The following GFPT2 variants were observed in gnomAD, a reference collection of about 807,000 sequenced individuals.
The protein encoded by GFPT2 is glutamine--fructose-6-phosphate aminotransferase [isomerizing] 2.
A neutral mutation model predicts 85.6 loss-of-function variants in GFPT2; 62 were observed. The observed-to-expected ratio is 0.72, with a 90% CI of 0.59 to 0.90. The LOEUF is 0.90. GFPT2 is among the 40% of genes least tolerant of loss of function. The pLI, the probability that GFPT2 is intolerant of heterozygous loss-of-function variation, is 0.00. For missense variants in GFPT2, 788 were observed against 893.4 expected (o/e 0.88, Z 1.50); for synonymous variants, 368 against 344.5 (o/e 1.07, Z -0.75).
intron 2 of GFPT2, among the ~76,000 whole-genome samples, 154 bp downstream of exon 2, chr5:180,338,339 C>T (rs1764442798): frequency 1.3e-5 from 2 of 152,130 alleles, no homozygotes; most frequent in South Asian, 2.1e-4. Flanking sequence ...TTTCGAATTT[C>T]TTTAACGGAC....
chr5:180,339,734 C>T (rs996990947), intron 1 of GFPT2, among the ~76,000 whole-genome samples: 25 of 152,242 alleles, frequency 1.6e-4, no homozygotes, highest in African/African-American at 4.1e-4. Context: ...CTCCAGCCCC[C>T]GCCCTGGGCA....
At position 180,336,650 on chromosome 5, in the gene GFPT2, G is replaced by C. The variant is rs911453631; in HGVS notation, c.116-73C>G. 4 of 981,336 alleles carry C rather than the reference G, an allele frequency of 4.1e-6. No individual in the cohort carries two copies. In the African/African-American group the frequency reaches 4.8e-5, roughly 12 times the overall value. 60.8% of individuals were successfully genotyped at this position (981,336 alleles called of 1,614,324 possible). ...ACACACTTGGCACAGGTGCTCCGCA[G>C]GGTCAGGGCTGCATGCCCCGGGCTG... is the stretch of plus-strand genomic sequence containing the variant. On this transcript the variant is annotated intron_variant, in intron 2 of 18. Coordinates refer to ENST00000253778, the MANE Select transcript of GFPT2 (RefSeq NM_005110.4).
intron 17 of GFPT2, among the ~76,000 whole-genome samples, chr5:180,303,614 T>C (rs897722542): frequency 2.0e-5 from 3 of 152,178 alleles, no homozygotes; most frequent in African/African-American, 7.2e-5. Flanking sequence ...ATACCCTCAC[T>C]CTGACCTCTG....
Position 180,336,582 on chromosome 5 carries a change from G to A in GFPT2, c.116-5C>T, listed in dbSNP as rs749733135. ...TATTCCCATCGATCGCCACACCTGT[G>A]ATGTAGACAGCATTTGTTATATTGC... is the stretch of plus-strand genomic sequence containing the variant. On this transcript the variant is annotated splice_polypyrimidine_tract_variant and splice_region_variant and intron_variant, in intron 2 of 18. Coordinates refer to ENST00000253778, the MANE Select transcript of GFPT2 (RefSeq NM_005110.4). The A allele has an allele frequency of 6.4e-7, 1 of 1,566,368 alleles. No homozygotes were observed. Among genetic ancestry groups the A allele is most frequent in the South Asian group, 1.1e-5 (1 of 90,102 alleles).
chr5:180,349,244 A>T (rs1469640980), intron 1 of GFPT2, among the ~76,000 whole-genome samples: 1 of 151,924 alleles, frequency 6.6e-6, no homozygotes, highest in Non-Finnish European at 1.5e-5. Context: ...GAGTTCAAGG[A>T]TGCAGTGAGC....
intron 10 of GFPT2, among the ~76,000 whole-genome samples, chr5:180,317,591 C>G (rs556778333): frequency 5.4e-5 from 8 of 146,988 alleles, no homozygotes; most frequent in East Asian, 3.9e-4. Flanking sequence ...AACCCCGTCT[C>G]TACTAAAAAT....
chr5:180,313,543 T>C (rs1008272645), intron 14 of GFPT2, among the ~76,000 whole-genome samples: 3 of 150,870 alleles, frequency 2.0e-5, no homozygotes, highest in African/African-American at 7.3e-5. Context: ...TGAGCCGAGA[T>C]CGCGCCCCTG....
intron 9 of GFPT2, among the ~76,000 whole-genome samples, chr5:180,321,706 C>T (rs1481500087): frequency 3.9e-5 from 6 of 152,226 alleles, no homozygotes; most frequent in Admixed American, 6.5e-5. Context: ...ACACTACACG[C>T]GACAGAATCA....
intron 1 of GFPT2, among the ~76,000 whole-genome samples, chr5:180,350,108 T>C (rs953219762): frequency 4.0e-5 from 6 of 151,832 alleles, no homozygotes; most frequent in African/African-American, 1.5e-4. Context: ...CTGCCCCAGG[T>C]CCCTCCCCTT....
chr5:180,343,183 G>A (rs911516431), intron 1 of GFPT2, among the ~76,000 whole-genome samples: 4 of 152,178 alleles, frequency 2.6e-5, no homozygotes, highest in Non-Finnish European at 1.5e-5. Flanking sequence ...AAAAGGTTTT[G>A]CATCTGAATG....
chr5:180,347,448 A>G (rs1764630497), intron 1 of GFPT2, among the ~76,000 whole-genome samples: 1 of 152,214 alleles, frequency 6.6e-6, no homozygotes, highest in Non-Finnish European at 1.5e-5. Context: ...ATTGATAGAT[A>G]AAATGAACCG....
In GFPT2 at chr5:180,330,679, C is replaced by G; in HGVS notation, c.534+21G>C. On this transcript the variant is annotated intron_variant, in intron 6 of 18. Coordinates refer to ENST00000253778, the MANE Select transcript of GFPT2 (RefSeq NM_005110.4). The surrounding 1 kb of genome is among the most constrained non-coding windows in gnomAD (Gnocchi z 4.4). Reference sequence around the variant, plus strand: ...TGAAAGAATGAAGGAATGAGTTAGACAGATGGGATTTGTAACTCACCAACT... The same window carrying G: ...TGAAAGAATGAAGGAATGAGTTAGAGAGATGGGATTTGTAACTCACCAACT... The G allele has an allele frequency of 6.3e-7, 1 of 1,595,872 alleles. No homozygotes were observed. Among genetic ancestry groups the G allele is most frequent in the South Asian group, 1.1e-5 (1 of 90,412 alleles).
intron 1 of GFPT2, among the ~76,000 whole-genome samples, chr5:180,340,678 AT>A (rs966539468): frequency 4.7e-5 from 7 of 148,684 alleles, no homozygotes; most frequent in East Asian, 2.0e-4. Context: ...TGCCCAGCTA[AT>A]TTTTTTTTGT....
chr5:180,316,915 C>G (rs373725403), intron 11 of GFPT2, 48 bp downstream of exon 11: 4 of 1,562,842 alleles, frequency 2.6e-6, no homozygotes, highest in Non-Finnish European at 3.5e-6. Context: ...CACCGCATTC[C>G]CTGAGACTAG....
intron 6 of GFPT2, among the ~76,000 whole-genome samples, chr5:180,329,864 TCAG>T (rs1764273929): frequency 6.6e-6 from 1 of 152,178 alleles, no homozygotes; most frequent in African/African-American, 2.4e-5. Flanking sequence ...CACCTCCTCC[TCAG>T]TGTAGGGGCC....
chr5:180,352,439 G>T (rs1234698966), intron 1 of GFPT2: 1 of 454,230 alleles, frequency 2.2e-6, no homozygotes, highest in Middle Eastern at 3.3e-4. Flanking sequence ...GGAGAGTAAA[G>T]AATTGCAGAT....
chr5:180,347,661 C>T (rs539114754), intron 1 of GFPT2, among the ~76,000 whole-genome samples: 2 of 152,154 alleles, frequency 1.3e-5, no homozygotes, highest in Admixed American at 6.5e-5. Flanking sequence ...GGCACGCAGG[C>T]AGGGCCTCTG....
Position 180,317,040 on chromosome 5 carries a change from A to G in GFPT2, c.977T>C (p.Met326Thr). The G allele has an allele frequency of 2.5e-6, 4 of 1,605,398 alleles. No individual in the cohort carries two copies. The highest frequency in any genetic ancestry group is 2.2e-5 in the East Asian group (1 of 44,838). The change falls in exon 11 of 19, where the codon ATG becomes ACG. Residue 326 changes from methionine (M) to threonine (T), a missense_variant. Transcript: ENST00000253778. ...TGGCTGTTCGAAGATCTCCTTCTGC[A>G]TAAACGCACTGAAGTTACCTGGTCA... Reference protein sequence around the residue: ...QIMKGNFSAFMQKEIFEQPES... With the variant: ...QIMKGNFSAFTQKEIFEQPES...
chr5:180,312,322 G>A (rs1247746478), intron 15 of GFPT2, 108 bp downstream of exon 15: 1 of 702,382 alleles, frequency 1.4e-6, no homozygotes, highest in East Asian at 2.7e-5. Context: ...GGAAGTTTTA[G>A]GAGGAAGAAG....
Sources: gnomAD v4.1 joint callset for allele counts (sites outside exome capture counted in the v4.1 genomes callset) on GRCh38, gnomAD v4.1.1 for gene constraint, Gnocchi (gnomAD v3.1) non-coding constraint, MANE v1.5 for transcripts, NCBI Gene and HGNC (gene_info 2026-07-23, HGNC 2026-07-21) for gene names.